The following CLGN variants were observed in gnomAD, a reference collection of about 807,000 sequenced individuals.
CLGN encodes the protein calmegin.
CLGN carries 62 observed loss-of-function variants against 79.1 expected under a neutral mutation model. The observed-to-expected ratio is 0.78, with a 90% CI of 0.64 to 0.97. The LOEUF (loss-of-function observed/expected upper bound fraction) is 0.97. CLGN is among the 50% of genes least tolerant of loss of function. CLGN has a pLI of 0.00. For synonymous variants in CLGN, 225 were observed against 224.7 expected (o/e 1.00, Z -0.01); for missense variants, 647 against 715.5 (o/e 0.90, Z 1.09).
In CLGN at chr4:140,414,786, A is replaced by G. The variant is rs1199005673; in HGVS notation, c.-9-1699T>C. On this transcript the variant is annotated intron_variant, in intron 1 of 14. Coordinates refer to ENST00000325617, the MANE Select transcript of CLGN (RefSeq NM_004362.3). ...GTTGGAAAACACTCTGCAGGATATT[A>G]CCCAGGAGAACTTCCCCAATCTAGC... 6.7e-5 allele frequency among the ~76,000 whole-genome samples: 10 copies of G among 149,544 alleles called. 1 individual carries two copies. The highest frequency in any genetic ancestry group is 2.5e-4 in the African/African-American group (10 of 39,758).
In CLGN at chr4:140,389,144, T is replaced by C; in HGVS notation, c.*80A>G. On this transcript the variant is annotated 3_prime_UTR_variant, in exon 15 of 15. Transcript: ENST00000325617. ...GATATTAGAAACAGGATGTGCAGAC[T>C]GATTAAAGTTCAGGTCTGGCATGCT... 1 of 1,015,350 alleles carries C rather than the reference T, an allele frequency of 9.8e-7. No homozygotes were observed. Among genetic ancestry groups the C allele is most frequent in the Non-Finnish European group, 1.6e-6 (1 of 640,310 alleles). 62.9% of individuals were successfully genotyped at this position (1,015,350 alleles called of 1,614,324 possible).
At position 140,405,733 on chromosome 4, in the gene CLGN, G is replaced by A. The variant is rs554173669; in HGVS notation, c.419+209C>T. Reference sequence around the variant, plus strand: ...AATATTAGTACTAGGCCATAAGAATGGTTGATCTTTGTATAATTTTATCAT... The same window carrying A: ...AATATTAGTACTAGGCCATAAGAATAGTTGATCTTTGTATAATTTTATCAT... On this transcript the variant is annotated intron_variant, in intron 5 of 14. Transcript: ENST00000325617. Among the ~76,000 whole-genome samples, 5 of 152,146 alleles carry A rather than the reference G, an allele frequency of 3.3e-5. No individual in the cohort carries two copies. In the East Asian group the frequency reaches 9.6e-4, roughly 29 times the overall value.
chr4:140,412,859 A>C, intron 2 of CLGN, 76 bp downstream of exon 2: 1 of 1,241,614 alleles, frequency 8.1e-7, no homozygotes, highest in African/African-American at 1.5e-5. Flanking sequence ...TTGAACTGAA[A>C]TGAATCACCA....
intron 1 of CLGN, among the ~76,000 whole-genome samples, chr4:140,425,839 G>C (rs1262940450): frequency 6.6e-6 from 1 of 151,900 alleles, no homozygotes; most frequent in Admixed American, 6.6e-5. Context: ...ATATTGGTCA[G>C]GCTGGTCTCC....
intron 5 of CLGN, 53 bp from the exon 6 acceptor site, chr4:140,402,119 C>G: frequency 1.1e-6 from 1 of 910,078 alleles, no homozygotes; most frequent in Non-Finnish European, 1.7e-6. Context: ...TTACTAGTTG[C>G]TCTTTAAAAT....
chr4:140,420,932 C>T (rs975914585), intron 1 of CLGN, among the ~76,000 whole-genome samples: 6 of 152,060 alleles, frequency 3.9e-5, no homozygotes, highest in African/African-American at 9.7e-5. Flanking sequence ...AAAACTAAAA[C>T]GCTATACACT....
At chr4:140,389,357 G>T in intron 14 of CLGN, 53 bp from the exon 15 acceptor site, 2 of 1,244,100 alleles carry the variant, frequency 1.6e-6, no homozygotes, top group Non-Finnish European at 2.4e-6. Context: ...ATAACTAGTA[G>T]ATAGTAGTAA....
chr4:140,410,414 G>A, intron 3 of CLGN, 139 bp downstream of exon 3: 1 of 637,570 alleles, frequency 1.6e-6, no homozygotes, highest in Non-Finnish European at 2.8e-6. Flanking sequence ...AATATACTAA[G>A]TACTGATTTA....
At chr4:140,399,159 T>C (rs903740976) in intron 7 of CLGN, 119 bp from the exon 8 acceptor site, 4 of 716,826 alleles carry the variant, frequency 5.6e-6, no homozygotes, top group Non-Finnish European at 6.4e-6. Flanking sequence ...CAACCAGAAA[T>C]AGAGGAATAA....
chr4:140,413,230 A>T (rs113960430), intron 1 of CLGN, 143 bp from the exon 2 acceptor site: 2 of 651,066 alleles, frequency 3.1e-6, no homozygotes, highest in East Asian at 5.8e-5. Context: ...AAATTATTTA[A>T]ATTGTGCTTT....
chr4:140,402,222 G>C (rs1360583849), intron 5 of CLGN, among the ~76,000 whole-genome samples, 156 bp from the exon 6 acceptor site: 2 of 151,804 alleles, frequency 1.3e-5, no homozygotes, highest in Non-Finnish European at 2.9e-5. Flanking sequence ...TAGGAAATAA[G>C]CAGAAACGCT....
At chr4:140,398,263 CTTTT>C (rs1162212217) in intron 8 of CLGN, among the ~76,000 whole-genome samples, 71 of 86,794 alleles carry the variant, frequency 8.2e-4, no homozygotes, top group African/African-American at 2.9e-3. Flanking sequence ...CAAACATACT[CTTTT>C]TTTTTTTTTT....
intron 8 of CLGN, among the ~76,000 whole-genome samples, chr4:140,396,936 T>C (rs950290840): frequency 2.6e-4 from 38 of 144,082 alleles, no homozygotes; most frequent in Admixed American, 1.9e-3. Context: ...CATATATATA[T>C]ATACACATAG....
In CLGN at chr4:140,420,976, C is replaced by T. The variant is rs762471657; in HGVS notation, c.-10+6561G>A. Among the ~76,000 whole-genome samples, 3 of 152,080 alleles carry T rather than the reference C, an allele frequency of 2.0e-5. No homozygotes were observed. In the South Asian group the frequency reaches 6.2e-4, roughly 32 times the overall value. ...CTCCCCACTACCCTTCCCTCCAGCC[C>T]CTGGAAACCATCTTTCTAATATCTA... On this transcript the variant is annotated intron_variant, in intron 1 of 14. Coordinates refer to ENST00000325617, the MANE Select transcript of CLGN (RefSeq NM_004362.3).
intron 11 of CLGN, among the ~76,000 whole-genome samples, chr4:140,393,399 G>A (rs369740848): frequency 4.6e-5 from 7 of 152,022 alleles, no homozygotes; most frequent in East Asian, 1.9e-4. Flanking sequence ...TTAAGGTTTC[G>A]GGAAAAAACT....
chr4:140,419,075 A>C (rs957471928), intron 1 of CLGN, among the ~76,000 whole-genome samples: 1 of 152,030 alleles, frequency 6.6e-6, no homozygotes, highest in African/African-American at 2.4e-5. Flanking sequence ...AAATTGGAAA[A>C]CATCATTCTC....
At chr4:140,412,122 A>T (rs1729225411) in intron 2 of CLGN, among the ~76,000 whole-genome samples, 1 of 152,146 alleles carries the variant, frequency 6.6e-6, no homozygotes, top group Non-Finnish European at 1.5e-5. Context: ...TTTAAAAAAA[A>T]TTGTCCTTAC....
chr4:140,399,330 A>C lies in CLGN; in HGVS notation c.695-290T>G, dbSNP rs572785963. Among the ~76,000 whole-genome samples the C allele has an allele frequency of 4.3e-3, 655 of 152,198 alleles. 5 individuals carry two copies. The highest frequency in any genetic ancestry group is 6.9e-3 in the Non-Finnish European group (466 of 67,984). The stretch of plus-strand genomic sequence containing the variant: ...TTGGGACTCATAACGAGTCAGCTTC[A>C]CTCTTTTATAGTTACAAAATACAAG... On this transcript the variant is annotated intron_variant, in intron 7 of 14. Transcript: ENST00000325617.
intron 1 of CLGN, among the ~76,000 whole-genome samples, chr4:140,422,592 T>A (rs966487466): frequency 3.3e-5 from 5 of 152,212 alleles, no homozygotes; most frequent in Admixed American, 2.0e-4. Flanking sequence ...GTGTGCTAGT[T>A]TTTTTACCCT....
Sources: allele counts gnomAD v4.1 joint callset (sites outside exome capture counted in the v4.1 genomes callset), GRCh38; gene constraint gnomAD v4.1.1; transcripts MANE v1.5; gene names NCBI Gene and HGNC (gene_info 2026-07-23, HGNC 2026-07-21).